STK39: variants seen among roughly 807,000 people sequenced by gnomAD.
STK39 encodes the protein STE20/SPS1-related proline-alanine-rich protein kinase.
A neutral mutation model predicts 77.8 loss-of-function variants in STK39; 20 were observed. The ratio of observed to expected loss-of-function variants is 0.26; its 90% confidence interval spans 0.18 to 0.37. STK39 has a LOEUF of 0.37. Among genes scored for constraint, STK39 ranks in the 10% least tolerant of loss-of-function variants. The pLI is 1.00. For missense variants in STK39, 479 were observed against 656.5 expected (o/e 0.73, Z 2.95); for synonymous variants, 246 against 234.1 (o/e 1.05, Z -0.47).
intron 14 of STK39, among the ~76,000 whole-genome samples, chr2:168,032,662 G>A (rs1684858145): frequency 6.6e-6 from 1 of 152,188 alleles, no homozygotes; most frequent in South Asian, 2.1e-4. Context: ...CAAACAACCT[G>A]CTATTTGCCT....
chr2:168,229,245 G>T (rs998191211), intron 1 of STK39, among the ~76,000 whole-genome samples: 4 of 151,980 alleles, frequency 2.6e-5, no homozygotes, highest in African/African-American at 9.7e-5. Context: ...TTAGCCAGGT[G>T]TAGTGGCAGG....
intron 16 of STK39, among the ~76,000 whole-genome samples, chr2:167,965,807 G>C (rs1401121787): frequency 6.6e-6 from 1 of 152,138 alleles, no homozygotes; most frequent in African/African-American, 2.4e-5. Context: ...AGTATTTTGA[G>C]AAAAGTGTTT....
chr2:168,100,235 A>G (rs1015925754), intron 10 of STK39, among the ~76,000 whole-genome samples: 1 of 152,206 alleles, frequency 6.6e-6, no homozygotes, highest in Admixed American at 6.5e-5. Context: ...AAGGCCAATC[A>G]AAGTCAAAAC....
chr2:168,109,596 C>T (rs559961352), intron 10 of STK39, among the ~76,000 whole-genome samples: 28 of 152,278 alleles, frequency 1.8e-4, no homozygotes, highest in Middle Eastern at 6.8e-3. Flanking sequence ...TGTGGGGCTA[C>T]AGGATACAGA....
chr2:168,067,372 A>T lies in STK39; in HGVS notation c.1243-1991T>A, dbSNP rs116376338. ...CTCTGAGTTCACACGAGATTTGGTC[A>T]TTTAAAAGTGTGTGGCACCTCCTTC... On this transcript the variant is annotated intron_variant, in intron 12 of 17. Coordinates refer to ENST00000355999, the MANE Select transcript of STK39 (RefSeq NM_013233.3). 8.7e-3 allele frequency among the ~76,000 whole-genome samples: 1,324 copies of T among 152,242 alleles called. 20 individuals carry two copies. The highest frequency in any genetic ancestry group is 0.03 in the African/African-American group (1,265 of 41,526).
intron 1 of STK39, among the ~76,000 whole-genome samples, chr2:168,236,491 A>G (rs1690613456): frequency 6.6e-6 from 1 of 152,134 alleles, no homozygotes; most frequent in Admixed American, 6.5e-5. Flanking sequence ...TTTTGTTGCC[A>G]TTGCTTTTGG....
intron 1 of STK39, 33 bp downstream of exon 1, chr2:168,247,195 C>A: frequency 8.5e-7 from 1 of 1,171,376 alleles, no homozygotes; most frequent in Non-Finnish European, 1.1e-6. Flanking sequence ...GGCGCCCGGC[C>A]TGTGCCGGCC....
At chr2:168,246,551 C>A (rs1690908618) in intron 1 of STK39, among the ~76,000 whole-genome samples, 1 of 152,184 alleles carries the variant, frequency 6.6e-6, no homozygotes, top group African/African-American at 2.4e-5. Context: ...CCGGACTGGG[C>A]GGCAGGCGGC....
At chr2:168,168,324 T>A (rs1688738649) in intron 2 of STK39, among the ~76,000 whole-genome samples, 1 of 152,192 alleles carries the variant, frequency 6.6e-6, no homozygotes, top group Non-Finnish European at 1.5e-5. Context: ...TCGTTTTAAG[T>A]TATTGTCGGA....
intron 10 of STK39, among the ~76,000 whole-genome samples, chr2:168,084,053 T>C (rs540122332): frequency 1.3e-5 from 2 of 151,688 alleles, no homozygotes; most frequent in South Asian, 4.2e-4. Flanking sequence ...AAAAAAACTT[T>C]CTCTGTGCAG....
At chr2:168,206,597 G>A (rs571868718) in intron 1 of STK39, among the ~76,000 whole-genome samples, 14 of 152,178 alleles carry the variant, frequency 9.2e-5, no homozygotes, top group African/African-American at 2.2e-4. Flanking sequence ...CACCACGCCC[G>A]GCTGAGATCT....
At chr2:168,005,250 C>T (rs115527339) in intron 16 of STK39, among the ~76,000 whole-genome samples, 194 of 152,166 alleles carry the variant, frequency 1.3e-3, no homozygotes, top group African/African-American at 3.9e-3. Flanking sequence ...AAGTGATCTA[C>T]TTGCCTCAGC....
intron 17 of STK39, among the ~76,000 whole-genome samples, chr2:167,959,328 T>C (rs192045506): frequency 6.0e-4 from 91 of 151,948 alleles, no homozygotes; most frequent in Middle Eastern, 3.4e-3. Context: ...AGTTTCACCA[T>C]GTTAGCCAGG....
intron 12 of STK39, among the ~76,000 whole-genome samples, chr2:168,074,227 T>C (rs930424083): frequency 2.6e-5 from 4 of 152,232 alleles, no homozygotes; most frequent in African/African-American, 9.6e-5. Flanking sequence ...AAAATTGGGA[T>C]GGATATCATT....
chr2:168,147,645 C>CA (rs1688175091), intron 5 of STK39, among the ~76,000 whole-genome samples: 1 of 151,994 alleles, frequency 6.6e-6, no homozygotes, highest in South Asian at 2.1e-4. Context: ...CACAGGCTAA[C>CA]AGAGTTTTGA....
chr2:168,206,491 G>A (rs893511893), intron 1 of STK39, among the ~76,000 whole-genome samples: 3 of 151,932 alleles, frequency 2.0e-5, no homozygotes, highest in African/African-American at 7.3e-5. Flanking sequence ...TATTAGAGAC[G>A]GGGTTTTGCC....
intron 16 of STK39, among the ~76,000 whole-genome samples, chr2:167,974,468 T>C (rs567461615): frequency 4.6e-5 from 7 of 152,260 alleles, no homozygotes; most frequent in Non-Finnish European, 8.8e-5. Flanking sequence ...ATAGGAAGCA[T>C]TGTCAAAAAT....
chr2:168,118,794 T>G (rs187607127), intron 10 of STK39, among the ~76,000 whole-genome samples: 2,220 of 152,218 alleles, frequency 0.015, 26 homozygotes, highest in Non-Finnish European at 0.025. Context: ...TTTTACAGAC[T>G]GGTAAGCAAT....
Position 168,075,149 on chromosome 2 carries a change from T to C in STK39, c.1172A>G (p.Glu391Gly). The C allele has an allele frequency of 5.6e-6, 9 of 1,614,224 alleles. No individual in the cohort carries two copies. Among genetic ancestry groups the C allele is most frequent in the Non-Finnish European group, 7.6e-6 (9 of 1,180,036 alleles). The part of the protein sequence containing the change: ...DWEWSDDEMD[E>G]KSEEGKAAFS... Reference sequence around the variant, plus strand: ...AGCTGCTTTCCCTTCTTCGCTCTTCTCATCCATCTCGTCGTCACTCCACTC... The same window carrying C: ...AGCTGCTTTCCCTTCTTCGCTCTTCCCATCCATCTCGTCGTCACTCCACTC... Residue 391 changes from glutamate to glycine, a missense_variant, in exon 11 of 18, where the codon GAG becomes GGG. By Grantham distance (98) the Glu-to-Gly change is moderately conservative. Coordinates refer to ENST00000355999, the MANE Select transcript of STK39 (RefSeq NM_013233.3).
Sources: gnomAD v4.1 joint callset for allele counts (sites outside exome capture counted in the v4.1 genomes callset) on GRCh38, gnomAD v4.1.1 for gene constraint, MANE v1.5 for transcripts, NCBI Gene and HGNC (gene_info 2026-07-23, HGNC 2026-07-21) for gene names.